The following KLHL35 variants were observed in gnomAD, a reference collection of about 807,000 sequenced individuals.
The protein encoded by KLHL35 is kelch like family member 35.
In KLHL35, 50 loss-of-function variants were observed where a neutral mutation model predicts 44.0. The observed-to-expected ratio is 1.14, with a 90% confidence interval of 0.91 to 1.44. The LOEUF (loss-of-function observed/expected upper bound fraction) is 1.44. Ranked by LOEUF, KLHL35 falls within the 40% of genes most tolerant of loss-of-function variation. The pLI, the probability that KLHL35 is intolerant of heterozygous loss-of-function variation, is 0.00. For synonymous variants in KLHL35, 470 were observed against 410.4 expected, an observed-to-expected ratio of 1.15 and a Z score of -1.76; for missense variants, 1,049 against 887.8, an observed-to-expected ratio of 1.18 and a Z score of -2.31.
intron 5 of KLHL35, chr11:75,425,036 T>G: frequency 1.2e-5 from 2 of 169,170 alleles, no homozygotes; most frequent in East Asian, 1.1e-4. Flanking sequence ...ACGGTGGGAT[T>G]ATGGGTTTTT....
At chr11:75,431,570 C>G (rs1329046434) in intron 1 of KLHL35, among the ~76,000 whole-genome samples, 1 of 152,186 alleles carries the variant, frequency 6.6e-6, no homozygotes, top group Non-Finnish European at 1.5e-5. Context: ...CTGGCCCTCT[C>G]TCTAGTGAGT....
Position 75,423,725 on chromosome 11 carries a change from C to A in KLHL35, c.1530G>T (p.Val510=), listed in dbSNP as rs769407250. The part of the protein sequence containing the change: ...KIFTYDPGTD[V]WGEAAVLPSP... ...TGGGGAGGACAGCTGCCTCCCCCCA[C>A]ACATCTGTGCCTGGATCATAGGTGA... Residue 510 remains valine, a synonymous_variant, in exon 6 of 7, where the codon GTG becomes GTT. Coordinates refer to ENST00000539798, the MANE Select transcript of KLHL35 (RefSeq NM_001039548.3). 1 of 1,613,874 alleles carries A rather than the reference C, an allele frequency of 6.2e-7. No homozygotes were observed. Among genetic ancestry groups the A allele is most frequent in the Non-Finnish European group, 8.5e-7 (1 of 1,179,860 alleles).
In KLHL35 at chr11:75,430,558, C is replaced by A. The variant is rs561205820; in HGVS notation, c.72G>T (p.Ala24=). The stretch of plus-strand genomic sequence containing the variant: ...CGTTCAGGGCCTGCAGCACGCGCTG[C>A]GCGTGGCACGGACCCGCGCACGGCG... The part of the protein sequence containing the change: ...CEAPCAGPCH[A]QRVLQALNAY... The change falls in exon 2 of 7, where the codon GCG becomes GCT. Residue 24 remains alanine (A), a synonymous_variant. Transcript: ENST00000539798. 1.8e-4 allele frequency: 259 copies of A among 1,456,046 alleles called. 1 individual carries two copies. In the African/African-American group the frequency reaches 3.3e-3, roughly 18 times the overall value. The allele number at this position is 1,456,046 out of a possible 1,614,324, so 90.2% of individuals were successfully genotyped here.
intron 3 of KLHL35, among the ~76,000 whole-genome samples, chr11:75,428,017 T>C (rs1219652413): frequency 6.6e-6 from 1 of 152,226 alleles, no homozygotes; most frequent in Non-Finnish European, 1.5e-5. Flanking sequence ...TTTGTTGGTA[T>C]CAAACAGATG....
At chr11:75,431,175 G>A (rs1948534494) in intron 1 of KLHL35, among the ~76,000 whole-genome samples, 1 of 152,102 alleles carries the variant, frequency 6.6e-6, no homozygotes, top group South Asian at 2.1e-4. Flanking sequence ...ATGTGCAGGG[G>A]AGAGAGGGTA....
chr11:75,429,709 G>T (rs1948517114), intron 2 of KLHL35, 40 bp downstream of exon 2: 2 of 1,416,028 alleles, frequency 1.4e-6, no homozygotes, highest in Non-Finnish European at 9.2e-7. Context: ...AAGCAGGCGG[G>T]AAGAACGGAG....
In KLHL35 at chr11:75,430,490, G is replaced by A. The variant is rs1302416652; in HGVS notation, c.140C>T (p.Ala47Val). Residue 47 changes from alanine (A) to valine (V), a missense_variant, in exon 2 of 7, where the codon GCC (alanine) becomes GTC (valine). Physicochemically the swap from Ala to Val is moderately conservative, Grantham distance 64. Transcript: ENST00000539798. ...GTGGCACGGAAAGTCGCGCCCGCCG[G>A]CGCGCAGCACCACGTCGGTGAGGGT... ...SGTLTDVVLRAGGRDFPCHRA... is the reference protein window; with the variant it reads ...SGTLTDVVLRVGGRDFPCHRA... 6.4e-6 allele frequency: 9 copies of A among 1,408,576 alleles called. No individual in the cohort carries two copies. Among genetic ancestry groups the A allele is most frequent in the East Asian group, 6.2e-5 (2 of 32,490 alleles). The allele number at this position is 1,408,576 out of a possible 1,614,324, so 87.3% of individuals were successfully genotyped here.
At chr11:75,431,512 GAGA>G (rs1054516628) in intron 1 of KLHL35, among the ~76,000 whole-genome samples, 2 of 152,196 alleles carry the variant, frequency 1.3e-5, no homozygotes, top group African/African-American at 4.8e-5. Flanking sequence ...CCTTCCAGCT[GAGA>G]AGGATGGGCG....
Position 75,422,684 on chromosome 11 carries a change from A to AG in KLHL35, c.1647dup (p.Phe550LeufsTer4). ...TGCCCACTGCTGGGGTCAAAGGTGAAGACCTTATCGGTGCTTTCTCCGCGA... is the reference window on the plus strand; with the variant it reads ...TGCCCACTGCTGGGGTCAAAGGTGAAGGACCTTATCGGTGCTTTCTCCGCGA... On this transcript the variant is annotated frameshift_variant, in exon 7 of 7. Coordinates refer to ENST00000539798, the MANE Select transcript of KLHL35 (RefSeq NM_001039548.3). LOFTEE classifies it high-confidence loss of function. The AG allele has an allele frequency of 6.2e-7, 1 of 1,614,028 alleles. No homozygotes were observed. The highest frequency in any genetic ancestry group is 8.5e-7 in the Non-Finnish European group (1 of 1,179,890).
intron 3 of KLHL35, 38 bp from the exon 4 acceptor site, chr11:75,426,676 T>C (rs1374009675): frequency 3.5e-6 from 5 of 1,428,694 alleles, no homozygotes; most frequent in South Asian, 1.2e-5. Context: ...ATCGGCTCTC[T>C]TGCTATCCCA....
At chr11:75,425,773 A>C (rs1948486574) in intron 4 of KLHL35, 192 bp from the exon 5 acceptor site, 1 of 457,992 alleles carries the variant, frequency 2.2e-6, no homozygotes, top group South Asian at 5.4e-5. Context: ...TACCTCCCTG[A>C]GCCGGTTTCC....
chr11:75,432,458 G>A (rs1367735184), intron 1 of KLHL35, among the ~76,000 whole-genome samples: 1 of 152,208 alleles, frequency 6.6e-6, no homozygotes, highest in Non-Finnish European at 1.5e-5. Flanking sequence ...AGGACCGGTG[G>A]AAGGAAGTGA....
chr11:75,423,339 G>A (rs930377726), intron 6 of KLHL35: 4 of 248,970 alleles, frequency 1.6e-5, no homozygotes, highest in Non-Finnish European at 3.1e-5. Context: ...GCAGACCTTA[G>A]CAACTCCCTT....
Position 75,429,801 on chromosome 11 carries a change from C to T in KLHL35, c.829G>A (p.Ala277Thr). ...ECRPLLLEAR[A>T]CFILGREAGA... The stretch of plus-strand genomic sequence containing the variant: ...GCCTCGCGGCCCAGGATGAAGCAGG[C>T]GCGAGCCTCGAGCAGCAGCGGGCGG... The change falls in exon 2 of 7, where the codon GCC becomes ACC. Residue 277 changes from alanine to threonine, a missense_variant. Coordinates refer to ENST00000539798, the MANE Select transcript of KLHL35 (RefSeq NM_001039548.3). The T allele has an allele frequency of 6.6e-7, 1 of 1,511,408 alleles. No individual in the cohort carries two copies. The allele number at this position is 1,511,408 out of a possible 1,614,324, so 93.6% of individuals were successfully genotyped here.
chr11:75,424,173 G>A (rs1238863565), intron 5 of KLHL35: 2 of 363,036 alleles, frequency 5.5e-6, no homozygotes, highest in Non-Finnish European at 1.0e-5. Flanking sequence ...AGGTCTCCCT[G>A]GTGTTCCCCC....
chr11:75,423,993 C>T (rs1948471587), intron 5 of KLHL35, 113 bp from the exon 6 acceptor site: 1 of 782,746 alleles, frequency 1.3e-6, no homozygotes, highest in Non-Finnish European at 2.0e-6. Flanking sequence ...ACGACATTTG[C>T]CAGTGTCCAC....
At position 75,429,778 on chromosome 11, in the gene KLHL35, C is replaced by A; in HGVS notation, c.852G>T (p.Glu284Asp). 6.7e-7 allele frequency: 1 copy of A among 1,501,534 alleles called. No homozygotes were observed. 93.0% of individuals were successfully genotyped at this position (1,501,534 alleles called of 1,614,324 possible). The change falls in exon 2 of 7, where the codon GAG becomes GAT. Residue 284 changes from glutamate to aspartate, a missense_variant. Physicochemically the swap from Glu to Asp is conservative, Grantham distance 45. Coordinates refer to ENST00000539798, the MANE Select transcript of KLHL35 (RefSeq NM_001039548.3). ...GCGGCCGGGTCCGCAGCGCACCGGC[C>A]TCGCGGCCCAGGATGAAGCAGGCGC... ...EARACFILGR[E>D]AGALRTRPRR...
intron 2 of KLHL35, among the ~76,000 whole-genome samples, chr11:75,428,998 A>C (rs1948513077): frequency 6.6e-6 from 1 of 152,154 alleles, no homozygotes; most frequent in Admixed American, 6.5e-5. Context: ...GGCGTGCCCA[A>C]AGCCATTAAG....
At chr11:75,426,951 G>A (rs1207091223) in intron 3 of KLHL35, 4 of 249,414 alleles carry the variant, frequency 1.6e-5, no homozygotes, top group Non-Finnish European at 2.4e-5. Context: ...AGAGGGGGCC[G>A]CTGTACTAAA....
Sources: gnomAD v4.1 joint callset for allele counts (sites outside exome capture counted in the v4.1 genomes callset) on GRCh38, gnomAD v4.1.1 for gene constraint, MANE v1.5 for transcripts, NCBI Gene and HGNC (gene_info 2026-07-23, HGNC 2026-07-21) for gene names.